BAHCC1: variants seen among roughly 807,000 people sequenced by gnomAD.
BAHCC1 encodes the protein BAH and coiled-coil domain-containing protein 1.
In BAHCC1, 43 loss-of-function variants were observed where a neutral mutation model predicts 88.2. The observed-to-expected ratio is 0.49, with a 90% CI of 0.38 to 0.63. The LOEUF is 0.63. BAHCC1 is among the 20% of genes least tolerant of loss of function. The pLI is 0.00. For missense variants in BAHCC1, 3,023 were observed against 1,654.8 expected (o/e 1.83, Z -14.34); for synonymous variants, 1,510 against 745.5 (o/e 2.03, Z -16.71).
At chr17:81,454,258 G>A (rs2064702153) in intron 14 of BAHCC1, among the ~76,000 whole-genome samples, 1 of 152,230 alleles carries the variant, frequency 6.6e-6, no homozygotes, top group Non-Finnish European at 1.5e-5. Context: ...GGGATCAGGT[G>A]GGACCTGTTT....
intron 2 of BAHCC1, among the ~76,000 whole-genome samples, chr17:81,416,337 G>GGT (rs560281457): frequency 8.1e-4 from 110 of 136,188 alleles, no homozygotes; most frequent in African/African-American, 3.0e-3. Context: ...CATGAGGATG[G>GGT]GTGTGTGTGT....
Position 81,457,561 on chromosome 17 carries a change from C to T in BAHCC1, c.5010C>T (p.Ala1670=), listed in dbSNP as rs910560795. 3.9e-5 allele frequency: 29 copies of T among 748,086 alleles called. 1 individual carries two copies. The Admixed American group carries it at 5.4e-4, about 14-fold the overall frequency. 46.3% of individuals were successfully genotyped at this position (748,086 alleles called of 1,614,324 possible). A position where few individuals can be genotyped will look rare whatever the true frequency, so the allele number is the denominator to read the frequency against. ...SVVKMEANQK[A]KKKKERQGLL... ...TCAAGATGGAGGCCAACCAGAAGGC[C>T]AAGAAGAAGAAGGAGAGGCAGGGGT... The change falls in exon 17 of 28, where the codon GCC becomes GCT. Residue 1670 remains alanine, a synonymous_variant. Coordinates refer to ENST00000675386, the MANE Select transcript of BAHCC1 (RefSeq NM_001377448.1).
Position 81,443,049 on chromosome 17 carries a change from A to G in BAHCC1, c.1700A>G (p.Lys567Arg). The G allele has an allele frequency of 1.3e-6, 1 of 778,336 alleles. No individual in the cohort carries two copies. Among genetic ancestry groups the G allele is most frequent in the Non-Finnish European group, 2.4e-6 (1 of 417,660 alleles). 48.2% of individuals were successfully genotyped at this position (778,336 alleles called of 1,614,324 possible). The change falls in exon 5 of 28, where the codon AAG becomes AGG. Residue 567 changes from lysine (K) to arginine (R), a missense_variant. By Grantham distance (26) the Lys-to-Arg change is conservative (BLOSUM62 2). Coordinates refer to ENST00000675386, the MANE Select transcript of BAHCC1 (RefSeq NM_001377448.1). ...GGCATTGGGGCTGAGGCCAAGCGCA[A>G]GTCCCTGGAGCTGGCATCCCTGGGC... is the stretch of plus-strand genomic sequence containing the variant. ...QGGIGAEAKR[K>R]SLELASLGYS...
At chr17:81,426,003 GT>G (rs1180837968) in intron 2 of BAHCC1, among the ~76,000 whole-genome samples, 1 of 149,858 alleles carries the variant, frequency 6.7e-6, no homozygotes, top group Non-Finnish European at 1.5e-5. Flanking sequence ...TGATGATGTG[GT>G]TGGGGGTGAT....
chr17:81,418,721 CAG>C (rs1176759799), intron 2 of BAHCC1, among the ~76,000 whole-genome samples: 8 of 151,964 alleles, frequency 5.3e-5, no homozygotes, highest in Non-Finnish European at 7.4e-5. Flanking sequence ...TGCCCGAGAA[CAG>C]AGTCTGCCAA....
chr17:81,436,487 A>C (rs1196641385), intron 3 of BAHCC1, among the ~76,000 whole-genome samples: 2 of 152,226 alleles, frequency 1.3e-5, no homozygotes, highest in African/African-American at 2.4e-5. Flanking sequence ...GTTTACCAAA[A>C]TGAGGCCTCG....
chr17:81,427,459 C>CA, intron 3 of BAHCC1, among the ~76,000 whole-genome samples: 1 of 152,296 alleles, frequency 6.6e-6, no homozygotes, highest in Non-Finnish European at 1.5e-5. Flanking sequence ...CCTCCCAGGC[C>CA]ACCTGCCTCC....
In BAHCC1 at chr17:81,456,547, G is replaced by C; in HGVS notation, c.4820G>C (p.Cys1607Ser). 1.4e-6 allele frequency: 1 copy of C among 712,068 alleles called. No homozygotes were observed. Among genetic ancestry groups the C allele is most frequent in the Non-Finnish European group, 2.6e-6 (1 of 383,148 alleles). 44.1% of individuals were successfully genotyped at this position (712,068 alleles called of 1,614,324 possible). Reference protein sequence around the residue: ...KGHGSRETPRCPAQPSVAASQ... With the variant: ...KGHGSRETPRSPAQPSVAASQ... ...CACGGCAGCCGGGAGACACCCAGGT[G>C]CCCAGCCCAGCCCTCCGTGGCTGCG... The change falls in exon 16 of 28, where the codon TGC (cysteine) becomes TCC (serine). Residue 1607 changes from cysteine (C) to serine (S), a missense_variant. By Grantham distance (112) the Cys-to-Ser change is moderately radical. Transcript: ENST00000675386.
At chr17:81,445,833 C>A (rs978126542) in intron 10 of BAHCC1, among the ~76,000 whole-genome samples, 152 bp downstream of exon 10, 1 of 152,194 alleles carries the variant, frequency 6.6e-6, no homozygotes, top group African/African-American at 2.4e-5. Context: ...CCTCTCTCTT[C>A]CCTCTTCCCA....
intron 2 of BAHCC1, among the ~76,000 whole-genome samples, chr17:81,424,679 T>C (rs2064153776): frequency 1.4e-5 from 2 of 147,536 alleles, no homozygotes; most frequent in South Asian, 4.4e-4. Context: ...GTTGGGGGCA[T>C]GGTGGTGGAG....
Position 81,461,515 on chromosome 17 carries a change from C to T in BAHCC1, c.6852C>T (p.Tyr2284=), listed in dbSNP as rs376191762. 125 of 739,972 alleles carry T rather than the reference C, an allele frequency of 1.7e-4. 1 individual carries two copies. The highest frequency in any genetic ancestry group is 4.5e-4 in the Middle Eastern group (2 of 4,396). The allele number at this position is 739,972 out of a possible 1,614,324, so 45.8% of individuals were successfully genotyped here. ...GCCAGGCAGAGTTCCCGCTGCCCTACGACAGCGACTGCCACAGCTCCTTCT... is the reference window on the plus strand; with the variant it reads ...GCCAGGCAGAGTTCCCGCTGCCCTATGACAGCGACTGCCACAGCTCCTTCT... ...YAGQAEFPLP[Y]DSDCHSSFSD... Residue 2284 remains tyrosine, a synonymous_variant, in exon 26 of 28, where the codon TAC becomes TAT. Transcript: ENST00000675386.
chr17:81,452,184 C>A (rs782241129), intron 13 of BAHCC1, 77 bp downstream of exon 13: 17 of 546,806 alleles, frequency 3.1e-5, no homozygotes, highest in Admixed American at 7.2e-5. Context: ...GTGCTGGGGC[C>A]GATGTGGGAA....
Position 81,442,962 on chromosome 17 carries a change from C to T in BAHCC1, c.1613C>T (p.Ala538Val), listed in dbSNP as rs1272886195. The change falls in exon 5 of 28, where the codon GCA becomes GTA. Residue 538 changes from alanine to valine, a missense_variant. Transcript: ENST00000675386. ...GKEAPAGPPG[A>V]QKVARIRHQQ... ...GAAGCCCCGGCCGGCCCCCCAGGGG[C>T]ACAGAAGGTGGCCCGCATCAGGCAC... 3 of 779,016 alleles carry T rather than the reference C, an allele frequency of 3.9e-6. No individual in the cohort carries two copies. Among genetic ancestry groups the T allele is most frequent in the Non-Finnish European group, 7.2e-6 (3 of 417,854 alleles). 48.3% of individuals were successfully genotyped at this position (779,016 alleles called of 1,614,324 possible).
rs1196983254 is a variant in BAHCC1 at position 81,425,700 on chromosome 17, GGTT to G, written c.179-1098_179-1096del. 2.3e-5 allele frequency among the ~76,000 whole-genome samples: 3 copies of G among 129,614 alleles called. No homozygotes were observed. The East Asian group carries it at 8.2e-4, about 35-fold the overall frequency. 85.0% of individuals were successfully genotyped at this position (129,614 alleles called of 152,430 possible). Reference sequence around the variant, plus strand: ...TGGGTGATGTGGTTGGTGGCGATGTGGTTGGTGGTGATAGTGGTGGGTGATGTG... The same window carrying G: ...TGGGTGATGTGGTTGGTGGCGATGTGGGTGGTGATAGTGGTGGGTGATGTG... On this transcript the variant is annotated intron_variant, in intron 2 of 27. Transcript: ENST00000675386.
chr17:81,412,270 A>G (rs1555647973), intron 2 of BAHCC1, among the ~76,000 whole-genome samples: 2 of 152,284 alleles, frequency 1.3e-5, no homozygotes, highest in Non-Finnish European at 2.9e-5. Context: ...GAGTTTTCAT[A>G]TCCCTTTGGG....
Position 81,442,397 on chromosome 17 carries a change from T to C in BAHCC1, c.1048T>C (p.Tyr350His). ...RRQMLHHTAS[Y>H]AGPPPPLSTA... ...GCAGATGCTACACCACACCGCATCC[T>C]ACGCCGGGCCACCCCCGCCCCTCAG... Residue 350 changes from tyrosine (Y) to histidine (H), a missense_variant, in exon 5 of 28, where the codon TAC (tyrosine) becomes CAC (histidine). Coordinates refer to ENST00000675386, the MANE Select transcript of BAHCC1 (RefSeq NM_001377448.1). 1 of 700,744 alleles carries C rather than the reference T, an allele frequency of 1.4e-6. No individual in the cohort carries two copies. The highest frequency in any genetic ancestry group is 2.6e-6 in the Non-Finnish European group (1 of 379,144). 43.4% of individuals were successfully genotyped at this position (700,744 alleles called of 1,614,324 possible).
chr17:81,407,959 C>T (rs1339391940), intron 2 of BAHCC1, among the ~76,000 whole-genome samples: 2 of 152,204 alleles, frequency 1.3e-5, no homozygotes, highest in Non-Finnish European at 1.5e-5. Context: ...CCCCTACGTC[C>T]TCCCCAACTG....
chr17:81,424,860 G>A (rs575471240), intron 2 of BAHCC1, among the ~76,000 whole-genome samples: 70 of 151,606 alleles, frequency 4.6e-4, no homozygotes, highest in African/African-American at 1.6e-3. Flanking sequence ...TGATGTGGTT[G>A]GTGGTGATGA....
intron 13 of BAHCC1, 63 bp downstream of exon 13, chr17:81,452,170 C>G (rs1183586112): frequency 3.6e-6 from 2 of 553,346 alleles, no homozygotes; most frequent in African/African-American, 4.0e-5. Flanking sequence ...GGGAGGCGCC[C>G]ACAGTGCTGG....
Sources: allele counts gnomAD v4.1 joint callset (sites outside exome capture counted in the v4.1 genomes callset), GRCh38; gene constraint gnomAD v4.1.1; transcripts MANE v1.5; gene names NCBI Gene and HGNC (gene_info 2026-07-23, HGNC 2026-07-21).